CYP3A7: variants seen among roughly 807,000 people sequenced by gnomAD.
CYP3A7 encodes cytochrome P450 family 3 subfamily A member 7, also known as cytochrome P450 3A7.
In CYP3A7, 45 loss-of-function variants were observed where a neutral mutation model predicts 55.2. That is an observed-to-expected ratio of 0.82 (90% CI 0.64 to 1.05). The LOEUF (loss-of-function observed/expected upper bound fraction) is 1.05. CYP3A7 is among the 50% of genes least tolerant of loss of function. CYP3A7 has a pLI of 0.00. For synonymous variants in CYP3A7, 180 were observed against 207.4 expected, an observed-to-expected ratio of 0.87 and a Z score of 1.13; for missense variants, 548 against 605.3, an observed-to-expected ratio of 0.91 and a Z score of 0.99.
At chr7:99,709,977 CAA>C (rs919116315) in intron 10 of CYP3A7, among the ~76,000 whole-genome samples, 10 of 152,080 alleles carry the variant, frequency 6.6e-5, no homozygotes, top group Non-Finnish European at 1.3e-4. Context: ...CAGTGCCAGG[CAA>C]AGTTATGAAA....
intron 1 of CYP3A7, among the ~76,000 whole-genome samples, chr7:99,734,230 G>C (rs527856208): frequency 6.6e-6 from 1 of 152,174 alleles, no homozygotes; most frequent in Non-Finnish European, 1.5e-5. Context: ...ATGTGACCAT[G>C]ATTCCTTACT....
intron 4 of CYP3A7, among the ~76,000 whole-genome samples, chr7:99,719,680 C>A (rs1814107552): frequency 1.3e-5 from 2 of 152,090 alleles, no homozygotes; most frequent in Non-Finnish European, 2.9e-5. Flanking sequence ...ACACTCGTGA[C>A]TGTAGGATAG....
chr7:99,715,901 A>G lies in CYP3A7; in HGVS notation c.527T>C (p.Phe176Ser). The G allele has an allele frequency of 1.2e-6, 2 of 1,613,776 alleles. No individual in the cohort carries two copies. Among genetic ancestry groups the G allele is most frequent in the Non-Finnish European group, 1.7e-6 (2 of 1,179,792 alleles). The part of the protein sequence containing the change: ...TGKPVTLKHV[F>S]GAYSMDVITS... ...GATCACATCCATGCTGTAGGCCCCA[A>G]AGACGCTGAGTGGAGAAAGATGTGG... The change falls in exon 7 of 13, where the codon TTT becomes TCT. Residue 176 changes from phenylalanine (F) to serine (S), a missense_variant. Coordinates refer to ENST00000336374, the MANE Select transcript of CYP3A7 (RefSeq NM_000765.5).
intron 9 of CYP3A7, among the ~76,000 whole-genome samples, chr7:99,712,158 A>G (rs1813771423): frequency 6.6e-6 from 1 of 152,198 alleles, no homozygotes; most frequent in South Asian, 2.1e-4. Flanking sequence ...TAGGACATTT[A>G]GAGACCGGGA....
Position 99,705,256 on chromosome 7 carries a change from A to T in CYP3A7, c.*244T>A. 2.3e-6 allele frequency: 1 copy of T among 431,104 alleles called. No individual in the cohort carries two copies. Among genetic ancestry groups the T allele is most frequent in the Non-Finnish European group, 4.3e-6 (1 of 234,816 alleles). The allele number at this position is 431,104 out of a possible 1,614,324, so 26.7% of individuals were successfully genotyped here. ...TGGGGGTGGTGGAGATAGTCCTATG[A>T]GAAGCAGAGAAGCCAAATCTACTTC... is the stretch of plus-strand genomic sequence containing the variant. On this transcript the variant is annotated 3_prime_UTR_variant, in exon 13 of 13. Transcript: ENST00000336374.
At chr7:99,729,872 TA>T (rs1814552938) in intron 2 of CYP3A7, among the ~76,000 whole-genome samples, 1 of 152,210 alleles carries the variant, frequency 6.6e-6, no homozygotes, top group Non-Finnish European at 1.5e-5. Context: ...CCCAAGTGAT[TA>T]AAAACATTTA....
In CYP3A7 at chr7:99,709,162, C is replaced by A; in HGVS notation, c.1126G>T (p.Val376Phe). 2.5e-6 allele frequency: 4 copies of A among 1,613,996 alleles called. No individual in the cohort carries two copies. Among genetic ancestry groups the A allele is most frequent in the Non-Finnish European group, 3.4e-6 (4 of 1,179,938 alleles). The change falls in exon 11 of 13, where the codon GTC (valine) becomes TTC (phenylalanine). Residue 376 changes from valine to phenylalanine, a missense_variant. Coordinates refer to ENST00000336374, the MANE Select transcript of CYP3A7 (RefSeq NM_000765.5). ...TTGATTTCAACATCTTTTTTGCAGA[C>A]CCTCTCAAGTCTCATAGCAACTGGG... ...LFPVAMRLER[V>F]CKKDVEINGM...
In CYP3A7 at chr7:99,731,138, G is replaced by T; in HGVS notation, c.86C>A (p.Thr29Lys). ...LILLYLYGTR[T>K]HGLFKKLGIP... The stretch of plus-strand genomic sequence containing the variant: ...TCCAAGCTTCTTAAAAAGTCCATGT[G>T]TACGGGTTCCATATCTACAAAGTGA... The change falls in exon 2 of 13, where the codon ACA becomes AAA. Residue 29 changes from threonine to lysine, a missense_variant. Thr to Lys is a moderately conservative substitution (Grantham distance 78). Transcript: ENST00000336374. 1 of 1,613,824 alleles carries T rather than the reference G, an allele frequency of 6.2e-7. No homozygotes were observed. Among genetic ancestry groups the T allele is most frequent in the Non-Finnish European group, 8.5e-7 (1 of 1,179,808 alleles).
chr7:99,733,129 C>T (rs1469502981), intron 1 of CYP3A7, among the ~76,000 whole-genome samples: 2 of 152,238 alleles, frequency 1.3e-5, no homozygotes, highest in Non-Finnish European at 2.9e-5. Flanking sequence ...TGTGCACCAT[C>T]TACCACAACC....
At chr7:99,729,947 T>C (rs1488402053) in intron 2 of CYP3A7, among the ~76,000 whole-genome samples, 1 of 152,206 alleles carries the variant, frequency 6.6e-6, no homozygotes, top group Non-Finnish European at 1.5e-5. Context: ...AGGGAAATTA[T>C]TGCTTTTGCA....
In CYP3A7 at chr7:99,722,155, C is replaced by T. The variant is rs1431309284; in HGVS notation, c.218+141G>A. 8.6e-6 allele frequency: 9 copies of T among 1,041,266 alleles called. No individual in the cohort carries two copies. The Admixed American group carries it at 2.1e-4, about 24-fold the overall frequency. The allele number at this position is 1,041,266 out of a possible 1,614,324, so 64.5% of individuals were successfully genotyped here. A position where few individuals can be genotyped will look rare whatever the true frequency, so the allele number is the denominator to read the frequency against. On this transcript the variant is annotated intron_variant, in intron 3 of 12. Coordinates refer to ENST00000336374, the MANE Select transcript of CYP3A7 (RefSeq NM_000765.5). ...TCTTCTCCCAAATACATATCTTCTTCTTTCAGAAAACCTCTCTGTTTGTAG... is the reference window on the plus strand; with the variant it reads ...TCTTCTCCCAAATACATATCTTCTTTTTTCAGAAAACCTCTCTGTTTGTAG...
chr7:99,717,436 C>G lies in CYP3A7; in HGVS notation c.432+90G>C, dbSNP rs375337163. The G allele has an allele frequency of 1.8e-4, 290 of 1,588,004 alleles. 6 individuals carry two copies. The South Asian group carries it at 3.0e-3, about 17-fold the overall frequency. ...GGAAGCTCAAATTCAGCAGACTACT[C>G]CTCGGAAAGGAACTCTGATCTTACT... On this transcript the variant is annotated intron_variant, in intron 5 of 12. Transcript: ENST00000336374.
At chr7:99,730,695 A>G (rs1343402423) in intron 2 of CYP3A7, 6 of 242,220 alleles carry the variant, frequency 2.5e-5, no homozygotes, top group Non-Finnish European at 3.2e-5. Context: ...ACAAGCCACA[A>G]TCAGGGGCTC....
chr7:99,734,247 A>G (rs1814739945), intron 1 of CYP3A7, among the ~76,000 whole-genome samples: 1 of 152,194 alleles, frequency 6.6e-6, no homozygotes, highest in Admixed American at 6.5e-5. Context: ...TACTCTTAAT[A>G]ACTGTGAAAT....
chr7:99,711,834 T>C (rs1207434522), intron 9 of CYP3A7, among the ~76,000 whole-genome samples: 2 of 152,012 alleles, frequency 1.3e-5, no homozygotes, highest in Non-Finnish European at 2.9e-5. Flanking sequence ...ACCCCACCAT[T>C]GAACTACTGA....
Position 99,722,358 on chromosome 7 carries a change from G to C in CYP3A7, c.166-10C>G, listed in dbSNP as rs373702529. Reference sequence around the variant, plus strand: ...CAAACGTCCAATAGCCCTGGGAGGAGAAACAAAATAATATTTCATTATTAT... The same window carrying C: ...CAAACGTCCAATAGCCCTGGGAGGACAAACAAAATAATATTTCATTATTAT... On this transcript the variant is annotated splice_polypyrimidine_tract_variant and intron_variant, in intron 2 of 12. Transcript: ENST00000336374. 6.2e-7 allele frequency: 1 copy of C among 1,613,204 alleles called. No individual in the cohort carries two copies. Among genetic ancestry groups the C allele is most frequent in the South Asian group, 1.1e-5 (1 of 91,040 alleles).
chr7:99,717,353 G>C, intron 5 of CYP3A7, 88 bp from the exon 6 acceptor site: 1 of 1,605,822 alleles, frequency 6.2e-7, no homozygotes, highest in Non-Finnish European at 8.5e-7. Context: ...GGAACAATAA[G>C]TGACATTGTA....
chr7:99,722,693 G>A (rs1360912609), intron 2 of CYP3A7, among the ~76,000 whole-genome samples: 4 of 152,188 alleles, frequency 2.6e-5, no homozygotes, highest in Non-Finnish European at 5.9e-5. Context: ...AGGGGCATGT[G>A]GAGAAACTGA....
chr7:99,735,103 C>G lies in CYP3A7; in HGVS notation c.-10G>C. 6.2e-7 allele frequency: 1 copy of G among 1,613,928 alleles called. No homozygotes were observed. Among genetic ancestry groups the G allele is most frequent in the Non-Finnish European group, 8.5e-7 (1 of 1,179,886 alleles). ...TTGGGATGAGATCCATCACTACTTT[C>G]CTTCCTTATCTCTCTCCTCTGAGTC... On this transcript the variant is annotated 5_prime_UTR_variant, in exon 1 of 13. Transcript: ENST00000336374.
Sources: allele counts gnomAD v4.1 joint callset (sites outside exome capture counted in the v4.1 genomes callset), GRCh38; gene constraint gnomAD v4.1.1; transcripts MANE v1.5; gene names NCBI Gene and HGNC (gene_info 2026-07-23, HGNC 2026-07-21).